The following CADPS variants were observed in gnomAD, a reference collection of about 807,000 sequenced individuals.
CADPS encodes calcium dependent secretion activator.
Under a neutral mutation model 167.3 loss-of-function variants are expected in CADPS, and 57 were observed. The observed-to-expected ratio is 0.34, with a 90% confidence interval of 0.28 to 0.42. CADPS has a LOEUF of 0.42. Among genes scored for constraint, CADPS ranks in the 20% least tolerant of loss-of-function variants. CADPS has a pLI of 1.00. For synonymous variants in CADPS, 676 were observed against 635.3 expected, an observed-to-expected ratio of 1.06 and a Z score of -0.96; for missense variants, 1,414 against 1,738.1, an observed-to-expected ratio of 0.81 and a Z score of 3.32.
At chr3:62,865,298 T>A (rs556968171) in intron 1 of CADPS, among the ~76,000 whole-genome samples, 15 of 152,092 alleles carry the variant, frequency 9.9e-5, no homozygotes, top group African/African-American at 3.4e-4. Context: ...ACTTGGCATG[T>A]TTGCCAAAAT....
chr3:62,779,541 G>T (rs369790597), intron 1 of CADPS: 34 of 535,028 alleles, frequency 6.4e-5, no homozygotes, highest in South Asian at 4.2e-4. Flanking sequence ...TGCCCATTTT[G>T]TATTGTCTGC....
chr3:62,842,588 AC>A (rs1236149579), intron 1 of CADPS, among the ~76,000 whole-genome samples: 3 of 152,268 alleles, frequency 2.0e-5, no homozygotes, highest in African/African-American at 7.2e-5. Flanking sequence ...TGTGCCTTGC[AC>A]TATAATAGGC....
intron 26 of CADPS, among the ~76,000 whole-genome samples, chr3:62,448,773 C>T (rs1415346377): frequency 2.6e-5 from 4 of 152,016 alleles, no homozygotes; most frequent in Non-Finnish European, 5.9e-5. Flanking sequence ...ACCACCACAC[C>T]CAGCTAATTT....
chr3:62,856,930 G>C (rs1444891305), intron 1 of CADPS, among the ~76,000 whole-genome samples: 1 of 151,386 alleles, frequency 6.6e-6, no homozygotes, highest in Non-Finnish European at 1.5e-5. Flanking sequence ...TCTTTGGATA[G>C]AGAAGGTCTT....
chr3:62,498,638 G>A (rs1232031768), intron 18 of CADPS, among the ~76,000 whole-genome samples: 2 of 151,900 alleles, frequency 1.3e-5, no homozygotes, highest in East Asian at 3.9e-4. Flanking sequence ...GATGTATGTT[G>A]GAGAATCGAC....
intron 1 of CADPS, among the ~76,000 whole-genome samples, chr3:62,813,034 T>C (rs2094456976): frequency 6.6e-6 from 1 of 152,074 alleles, no homozygotes; most frequent in Non-Finnish European, 1.5e-5. Context: ...AATGGTCATA[T>C]TGCCCACAAC....
At chr3:62,642,400 G>A (rs769458372) in intron 6 of CADPS, among the ~76,000 whole-genome samples, 8 of 152,156 alleles carry the variant, frequency 5.3e-5, no homozygotes, top group Non-Finnish European at 1.2e-4. Flanking sequence ...GATAATCCCC[G>A]AAAGGAAAAT....
chr3:62,636,565 C>T (rs765055312), intron 6 of CADPS, among the ~76,000 whole-genome samples: 2 of 152,220 alleles, frequency 1.3e-5, no homozygotes, highest in African/African-American at 4.8e-5. Flanking sequence ...GCTGTGTCCT[C>T]CCCGAGGGCT....
At chr3:62,529,284 T>G (rs1397043178) in intron 13 of CADPS, among the ~76,000 whole-genome samples, 1 of 152,202 alleles carries the variant, frequency 6.6e-6, no homozygotes, top group Admixed American at 6.5e-5. Flanking sequence ...AACACACACA[T>G]AAGCCTCAAT....
At chr3:62,511,564 TG>T (rs1299711856) in intron 17 of CADPS, among the ~76,000 whole-genome samples, 2 of 152,192 alleles carry the variant, frequency 1.3e-5, no homozygotes, top group Admixed American at 1.3e-4. Flanking sequence ...ATTAGCTATC[TG>T]GCTTTACATA....
At chr3:62,830,158 T>C (rs2074815783) in intron 1 of CADPS, among the ~76,000 whole-genome samples, 1 of 152,148 alleles carries the variant, frequency 6.6e-6, no homozygotes. Context: ...CTTCAGGTAA[T>C]ATATGTCTTA....
chr3:62,548,408 C>G (rs977151487), intron 11 of CADPS, among the ~76,000 whole-genome samples: 2 of 152,174 alleles, frequency 1.3e-5, no homozygotes, highest in African/African-American at 4.8e-5. Flanking sequence ...TGTGTGGAAA[C>G]TCACAGCCAT....
At chr3:62,628,939 TTGTATCATTC>T (rs2149649700) in intron 6 of CADPS, among the ~76,000 whole-genome samples, 1 of 152,272 alleles carries the variant, frequency 6.6e-6, no homozygotes, top group East Asian at 1.9e-4. Flanking sequence ...ATGAGCCTTT[TTGTATCATTC>T]TGTAAAACAT....
At chr3:62,770,175 G>A (rs1411594293) in intron 1 of CADPS, among the ~76,000 whole-genome samples, 1 of 152,072 alleles carries the variant, frequency 6.6e-6, no homozygotes, top group African/African-American at 2.4e-5. Flanking sequence ...ATGCTCTTCT[G>A]GTTTTCCCCA....
rs367714345 is a variant in CADPS at position 62,474,264 on chromosome 3, C to T, written c.3386G>A (p.Arg1129Gln). ...CATGGTGCATATTGACTGTGGGACT[C>T]GAAAATCTGTTGATCGACTGGTTTT... ...LQKTSRSTDF[R>Q]VPQSICTMFN... The change falls in exon 24 of 30, where the codon CGA (arginine) becomes CAA (glutamine). Residue 1129 changes from arginine (R) to glutamine (Q), a missense_variant. Arg to Gln is a conservative substitution (Grantham distance 43). Around this residue, in one of 6 missense-constraint regions of CADPS, gnomAD observed 19 missense variants for 49.4 expected, o/e 0.38. Coordinates refer to ENST00000383710, the MANE Select transcript of CADPS (RefSeq NM_003716.4). 22 of 1,601,718 alleles carry T rather than the reference C, an allele frequency of 1.4e-5. No homozygotes were observed. In the African/African-American group the frequency reaches 1.8e-4, roughly 13 times the overall value.
Position 62,516,067 on chromosome 3 carries a change from T to C in CADPS, c.2573A>G (p.Lys858Arg). The change falls in exon 16 of 30, where the codon AAA becomes AGA. Residue 858 changes from lysine to arginine, a missense_variant. Around this residue, in one of 6 missense-constraint regions of CADPS, gnomAD observed 529 missense variants for 629.6 expected, o/e 0.84. Transcript: ENST00000383710. ...GCAGAAGGGAGCCTTACCTTCGATT[T>C]TGGCATACTCTGAGAGCCGAGAATA... ...VNYSRLSEYA[K>R]IEENQKDAEN... 1.1e-5 allele frequency: 17 copies of C among 1,613,092 alleles called. No homozygotes were observed. Among genetic ancestry groups the C allele is most frequent in the Non-Finnish European group, 1.4e-5 (16 of 1,179,298 alleles).
chr3:62,478,402 G>A lies in CADPS; in HGVS notation c.3188C>T (p.Thr1063Ile). The A allele has an allele frequency of 1.2e-6, 2 of 1,613,658 alleles. No individual in the cohort carries two copies. Among genetic ancestry groups the A allele is most frequent in the Non-Finnish European group, 1.7e-6 (2 of 1,179,744 alleles). ...AAGTTTCCAAAACAGATCTTCTGAGGTGCCTGACCCATTACTGGCAGGACA... is the reference window on the plus strand; with the variant it reads ...AAGTTTCCAAAACAGATCTTCTGAGATGCCTGACCCATTACTGGCAGGACA... ...AIYDADNGSG[T>I]SEDLFWKLDA... Residue 1063 changes from threonine (T) to isoleucine (I), a missense_variant, in exon 23 of 30, where the codon ACC (threonine) becomes ATC (isoleucine). Transcript: ENST00000383710. This position sits in a 1 kb window ranked among gnomAD's most constrained non-coding sequence, Gnocchi z 5.7.
chr3:62,765,911 G>A lies in CADPS; in HGVS notation c.515C>T (p.Ala172Val). The A allele has an allele frequency of 6.2e-7, 1 of 1,613,240 alleles. No homozygotes were observed. Residue 172 changes from alanine (A) to valine (V), a missense_variant, in exon 2 of 30, where the codon GCT becomes GTT. By Grantham distance (64) the Ala-to-Val change is moderately conservative (BLOSUM62 0). This residue lies in a region of CADPS where 522 missense variants were observed against 559.5 expected (regional missense o/e 0.93). Coordinates refer to ENST00000383710, the MANE Select transcript of CADPS (RefSeq NM_003716.4). Reference protein sequence around the residue: ...AFLNGETQIMADEAFMNAVQS... With the variant: ...AFLNGETQIMVDEAFMNAVQS... ...CACAGCGTTCATGAAGGCTTCGTCA[G>A]CCATGATCTGGGTTTCCCCATTGAG...
chr3:62,468,285 C>T (rs912242373), intron 24 of CADPS, among the ~76,000 whole-genome samples: 3 of 152,122 alleles, frequency 2.0e-5, no homozygotes, highest in Non-Finnish European at 2.9e-5. Context: ...CTGCCTCACT[C>T]GTCTAGGTTT....
Sources: allele counts gnomAD v4.1 joint callset (sites outside exome capture counted in the v4.1 genomes callset), GRCh38; gene constraint gnomAD v4.1.1; regional missense constraint gnomAD v4.1.1; non-coding constraint Gnocchi (gnomAD v3.1); transcripts MANE v1.5; gene names NCBI Gene and HGNC (gene_info 2026-07-23, HGNC 2026-07-21).